Variants in CLCNKB observed in about 807,000 individuals in gnomAD.
CLCNKB encodes chloride voltage-gated channel Kb.
Under a neutral mutation model 83.8 loss-of-function variants are expected in CLCNKB, and 74 were observed. The ratio of observed to expected loss-of-function variants is 0.88; its 90% CI spans 0.73 to 1.07. The LOEUF (loss-of-function observed/expected upper bound fraction) is 1.07. Among genes scored for constraint, CLCNKB ranks in the 50% least tolerant of loss-of-function variants. CLCNKB has a pLI of 0.00. For synonymous variants in CLCNKB, 358 were observed against 356.6 expected (o/e 1.00, Z -0.04); for missense variants, 798 against 893.6 (o/e 0.89, Z 1.36).
In CLCNKB at chr1:16,050,867, C is replaced by T. The variant is rs374911075; in HGVS notation, c.1054-8C>T. 3.2e-5 allele frequency: 51 copies of T among 1,611,508 alleles called. No individual in the cohort carries two copies. The highest frequency in any genetic ancestry group is 4.0e-5 in the Non-Finnish European group (47 of 1,179,920). On this transcript the variant is annotated splice_polypyrimidine_tract_variant and splice_region_variant and intron_variant, in intron 11 of 19. Coordinates refer to ENST00000375679, the MANE Select transcript of CLCNKB (RefSeq NM_000085.5). ...CCTCATGTCCAGTTCCCACCTGCCC[C>T]GCCACAGCTGTCCATGAAGCAGCAT...
rs766919617 is a variant in CLCNKB at position 16,049,252 on chromosome 1, C to T, written c.781+7C>T. ...GTCTTCAACAGCGAGCAGGGTGAGCCCCCTGGGCTGCCTGACCCTGGCCCT... is the reference window on the plus strand; with the variant it reads ...GTCTTCAACAGCGAGCAGGGTGAGCTCCCTGGGCTGCCTGACCCTGGCCCT... On this transcript the variant is annotated splice_region_variant and intron_variant, in intron 8 of 19. Transcript: ENST00000375679. The T allele has an allele frequency of 6.2e-7, 1 of 1,613,440 alleles. No homozygotes were observed. The highest frequency in any genetic ancestry group is 2.2e-5 in the East Asian group (1 of 44,822).
intron 7 of CLCNKB, chr1:16,048,866 A>G: frequency 6.9e-7 from 1 of 1,441,802 alleles, no homozygotes; most frequent in Non-Finnish European, 9.1e-7. Flanking sequence ...TTCCTCCTCT[A>G]CAAAATGGAG....
chr1:16,056,594 C>T, intron 19 of CLCNKB, 86 bp downstream of exon 19: 1 of 1,184,338 alleles, frequency 8.4e-7, no homozygotes, highest in Non-Finnish European at 1.2e-6. Flanking sequence ...GGGGGGACAC[C>T]AGCATGCTCC....
rs774299350 is a variant in CLCNKB, at chr1:16,051,769, G to C, written c.1357G>C (p.Val453Leu). Reference sequence around the variant, plus strand: ...CTCTTTTATCTTCCCTGAGGGCATCGTGGCTGGAGGGATCACCAATCCCAT... The same window carrying C: ...CTCTTTTATCTTCCCTGAGGGCATCCTGGCTGGAGGGATCACCAATCCCAT... ...TLSFIFPEGI[V>L]AGGITNPIMP... is the part of the protein sequence containing the mutation. The change falls in exon 14 of 20, where the codon GTG (valine) becomes CTG (leucine). Residue 453 changes from valine to leucine, a missense_variant. By Grantham distance (32) the Val-to-Leu change is conservative (BLOSUM62 1). Transcript: ENST00000375679. 1 of 1,613,958 alleles carries C rather than the reference G, an allele frequency of 6.2e-7. No individual in the cohort carries two copies.
At position 16,048,062 on chromosome 1, in the gene CLCNKB, G is replaced by A; in HGVS notation, c.498+18G>A. 6.2e-7 allele frequency: 1 copy of A among 1,609,768 alleles called. No homozygotes were observed. Among genetic ancestry groups the A allele is most frequent in the Non-Finnish European group, 8.5e-7 (1 of 1,177,340 alleles). On this transcript the variant is annotated intron_variant, in intron 5 of 19. Coordinates refer to ENST00000375679, the MANE Select transcript of CLCNKB (RefSeq NM_000085.5). ...GGAAAGTGGTATGGGCAGGGGTGAG[G>A]GCATCCCAACCACCCTACCCACCCC...
In CLCNKB at chr1:16,047,911, G is replaced by T; in HGVS notation, c.365G>T (p.Gly122Val). 6.2e-7 allele frequency: 1 copy of T among 1,613,636 alleles called. No homozygotes were observed. Among genetic ancestry groups the T allele is most frequent in the African/African-American group, 1.3e-5 (1 of 74,988 alleles). ...QSITPSSGGS[G>V]IPEVKTMLAG... ...CCTGCCCACCCCCGCCAAGGTTCTGGAATCCCGGAGGTGAAGACCATGTTG... is the reference window on the plus strand; with the variant it reads ...CCTGCCCACCCCCGCCAAGGTTCTGTAATCCCGGAGGTGAAGACCATGTTG... Residue 122 changes from glycine to valine, a missense_variant, in exon 5 of 20, where the codon GGA becomes GTA. Coordinates refer to ENST00000375679, the MANE Select transcript of CLCNKB (RefSeq NM_000085.5).
rs747102358 is a variant in CLCNKB at position 16,046,707 on chromosome 1, T to C, written c.358+44T>C. On this transcript the variant is annotated intron_variant, in intron 4 of 19. Coordinates refer to ENST00000375679, the MANE Select transcript of CLCNKB (RefSeq NM_000085.5). ...CGCCAGTCCCCACTGGCCAAAACCT[T>C]CTCAGATCCCAGGGGGGAGTCGGGA... The C allele has an allele frequency of 1.2e-3, 124 of 104,100 alleles. 1 individual carries two copies. Among genetic ancestry groups the C allele is most frequent in the Admixed American group, 5.6e-3 (8 of 1,418 alleles). The allele number at this position is 104,100 out of a possible 1,614,324, so 6.4% of individuals were successfully genotyped here. A position where few individuals can be genotyped will look rare whatever the true frequency, so the allele number is the denominator to read the frequency against.
In CLCNKB at chr1:16,049,807, C is replaced by T; in HGVS notation, c.867-8C>T. The stretch of plus-strand genomic sequence containing the variant: ...CGGGCTCTGGGCTCATGTCTCCATG[C>T]TCCCCAGGGGTCTCTGTGGCATCCT... On this transcript the variant is annotated splice_polypyrimidine_tract_variant and splice_region_variant and intron_variant, in intron 9 of 19. Coordinates refer to ENST00000375679, the MANE Select transcript of CLCNKB (RefSeq NM_000085.5). The T allele has an allele frequency of 1.9e-6, 3 of 1,613,858 alleles. No homozygotes were observed. Among genetic ancestry groups the T allele is most frequent in the Non-Finnish European group, 8.5e-7 (1 of 1,179,878 alleles).
At chr1:16,055,344 A>C in intron 16 of CLCNKB, 91 bp from the exon 17 acceptor site, 2 of 1,026,630 alleles carry the variant, frequency 1.9e-6, no homozygotes, top group Non-Finnish European at 3.0e-6. Flanking sequence ...TAGGAACACC[A>C]GAACAGTTCT....
At chr1:16,050,690 A>G (rs2023259300) in intron 11 of CLCNKB, 90 bp downstream of exon 11, 9 of 1,489,572 alleles carry the variant, frequency 6.0e-6, no homozygotes, top group Non-Finnish European at 8.4e-6. Flanking sequence ...CCAATACCCC[A>G]TAAGGGAGAT....
chr1:16,051,375 C>T lies in CLCNKB; in HGVS notation c.1228-103C>T, dbSNP rs6650116. 0.1 allele frequency: 150,553 copies of T among 1,438,342 alleles called. 9,044 individuals are homozygous for T. Among genetic ancestry groups the T allele is most frequent in the African/African-American group, 0.21 (15,062 of 70,846 alleles). 89.1% of individuals were successfully genotyped at this position (1,438,342 alleles called of 1,614,324 possible). A position where few individuals can be genotyped will look rare whatever the true frequency, so the allele number is the denominator to read the frequency against. Reference sequence around the variant, plus strand: ...TGGCAGTGGGTGCATGGCCGGCACCCTCTTTCTCTCTAGGACACTCCCCTG... The same window carrying T: ...TGGCAGTGGGTGCATGGCCGGCACCTTCTTTCTCTCTAGGACACTCCCCTG... On this transcript the variant is annotated intron_variant, in intron 12 of 19. Transcript: ENST00000375679.
At chr1:16,056,294 C>A in intron 18 of CLCNKB, 128 bp from the exon 19 acceptor site, 1 of 986,506 alleles carries the variant, frequency 1.0e-6, no homozygotes. Context: ...CATTGCAGGC[C>A]TGGGTCTCTT....
At position 16,046,553 on chromosome 1, in the gene CLCNKB, G is replaced by A. The variant is rs1272989632; in HGVS notation, c.248G>A (p.Arg83Lys). Residue 83 changes from arginine (R) to lysine (K), a missense_variant, in exon 4 of 20, where the codon AGG (arginine) becomes AAG (lysine). By Grantham distance (26) the Arg-to-Lys change is conservative. Coordinates refer to ENST00000375679, the MANE Select transcript of CLCNKB (RefSeq NM_000085.5). ...TCCCCAGCGCACCAGTGGCTGTACAGGGAGATTGGGGACAGCCACCTGCTC... is the reference window on the plus strand; with the variant it reads ...TCCCCAGCGCACCAGTGGCTGTACAAGGAGATTGGGGACAGCCACCTGCTC... ...SVVRAHQWLYREIGDSHLLRY... is the reference protein window; with the variant it reads ...SVVRAHQWLYKEIGDSHLLRY... 1 of 1,614,086 alleles carries A rather than the reference G, an allele frequency of 6.2e-7. No homozygotes were observed.
chr1:16,049,113 C>G lies in CLCNKB; in HGVS notation c.656-7C>G. ...GAGGGCCCACCTGAGATCAGTGTCG[C>G]CCCCAGGCGTCCTGTTCAGCATCGA... On this transcript the variant is annotated splice_polypyrimidine_tract_variant and splice_region_variant and intron_variant, in intron 7 of 19. Coordinates refer to ENST00000375679, the MANE Select transcript of CLCNKB (RefSeq NM_000085.5). 1 of 1,613,566 alleles carries G rather than the reference C, an allele frequency of 6.2e-7. No individual in the cohort carries two copies. The highest frequency in any genetic ancestry group is 8.5e-7 in the Non-Finnish European group (1 of 1,180,000).
intron 2 of CLCNKB, 28 bp from the exon 3 acceptor site, chr1:16,045,530 T>C (rs2023072697): frequency 1.2e-6 from 2 of 1,610,970 alleles, no homozygotes; most frequent in Non-Finnish European, 8.5e-7. Context: ...TGCCCCACCC[T>C]GTGCCGTGAC....
intron 4 of CLCNKB, 123 bp downstream of exon 4, chr1:16,046,786 C>T (rs1244563682): frequency 3.1e-6 from 4 of 1,294,502 alleles, no homozygotes; most frequent in Non-Finnish European, 4.4e-6. Context: ...GTGGCTTGCC[C>T]AAAGGGACAC....
chr1:16,056,888 A>T lies in CLCNKB; in HGVS notation c.2036A>T (p.Asn679Ile). ...TTCTAGATGAAGAAAGCAATTTCCA[A>T]CCTGACAAATCCGCCAGCCCCAAAG... is the stretch of plus-strand genomic sequence containing the variant. ...SWVEMKKAIS[N>I]LTNPPAPK Residue 679 changes from asparagine (N) to isoleucine (I), a missense_variant, in exon 20 of 20, where the codon AAC becomes ATC. Transcript: ENST00000375679. 1 of 1,566,814 alleles carries T rather than the reference A, an allele frequency of 6.4e-7. No individual in the cohort carries two copies. The highest frequency in any genetic ancestry group is 8.7e-7 in the Non-Finnish European group (1 of 1,155,258).
At chr1:16,054,747 A>T (rs138800230) in intron 16 of CLCNKB, among the ~76,000 whole-genome samples, 96 of 152,140 alleles carry the variant, frequency 6.3e-4, no homozygotes, top group African/African-American at 2.3e-3. Flanking sequence ...ACAAAGACAA[A>T]GTCCTCTTTT....
At chr1:16,046,424 G>A (rs2023101604) in intron 3 of CLCNKB, 111 bp from the exon 4 acceptor site, 3 of 1,466,296 alleles carry the variant, frequency 2.0e-6, no homozygotes, top group South Asian at 2.4e-5. Context: ...GTGTGGCCTG[G>A]TCCTCCCCTC....
Sources: allele counts gnomAD v4.1 joint callset (sites outside exome capture counted in the v4.1 genomes callset), GRCh38; gene constraint gnomAD v4.1.1; transcripts MANE v1.5; gene names NCBI Gene and HGNC (gene_info 2026-07-23, HGNC 2026-07-21).